The following CADPS2 variants were observed in gnomAD, a reference collection of about 807,000 sequenced individuals.
CADPS2 encodes calcium dependent secretion activator 2.
CADPS2 carries 93 observed loss-of-function variants against 172.5 expected under a neutral mutation model. The observed-to-expected ratio is 0.54, with a 90% CI of 0.46 to 0.64. The LOEUF (loss-of-function observed/expected upper bound fraction) is 0.64. Among genes scored for constraint, CADPS2 ranks in the 30% least tolerant of loss-of-function variants. The pLI is 0.00. For missense variants in CADPS2, 1,420 were observed against 1,565.9 expected (o/e 0.91, Z 1.57); for synonymous variants, 546 against 555.2 (o/e 0.98, Z 0.23).
chr7:122,713,865 G>T (rs190661720), intron 2 of CADPS2, among the ~76,000 whole-genome samples: 131 of 151,962 alleles, frequency 8.6e-4, no homozygotes, highest in Non-Finnish European at 5.0e-4. Context: ...AAAACAAAAA[G>T]GTCTTTTTTG....
rs760832075 is a variant in CADPS2 at position 122,414,091 on chromosome 7, G to A, written c.2581-15C>T. 5.2e-6 allele frequency: 8 copies of A among 1,527,838 alleles called. No individual in the cohort carries two copies. In the South Asian group the frequency reaches 8.7e-5, roughly 17 times the overall value. 94.6% of individuals were successfully genotyped at this position (1,527,838 alleles called of 1,614,324 possible). ...ACCTCTCTTCCCTGAGGGTTTCCAA[G>A]AATTTGGAAGCATTGCAGAGTAGAA... is the stretch of plus-strand genomic sequence containing the variant. On this transcript the variant is annotated splice_polypyrimidine_tract_variant and intron_variant, in intron 18 of 29. Transcript: ENST00000449022.
chr7:122,803,053 G>A (rs1268754439), intron 1 of CADPS2, among the ~76,000 whole-genome samples: 1 of 152,026 alleles, frequency 6.6e-6, no homozygotes, highest in Non-Finnish European at 1.5e-5. Context: ...CTCAATATAG[G>A]TTTGTTATTG....
chr7:122,797,943 G>T (rs1796756020), intron 1 of CADPS2, among the ~76,000 whole-genome samples: 1 of 151,156 alleles, frequency 6.6e-6, no homozygotes, highest in African/African-American at 2.4e-5. Context: ...ATAGAGATTT[G>T]CATTATTTTG....
At chr7:122,828,036 G>A (rs1368096493) in intron 1 of CADPS2, among the ~76,000 whole-genome samples, 5 of 152,070 alleles carry the variant, frequency 3.3e-5, no homozygotes, top group Non-Finnish European at 1.5e-5. Flanking sequence ...AACTGTGGAT[G>A]TCTGATTTTC....
chr7:122,404,943 G>A (rs566862125), intron 20 of CADPS2, among the ~76,000 whole-genome samples: 39 of 152,022 alleles, frequency 2.6e-4, no homozygotes, highest in African/African-American at 8.4e-4. Context: ...TGGCTAGCAC[G>A]GTGAAACCCA....
intron 4 of CADPS2, among the ~76,000 whole-genome samples, chr7:122,625,455 T>C (rs928147887): frequency 6.6e-6 from 1 of 152,202 alleles, no homozygotes. Flanking sequence ...TGAATAACAT[T>C]TACAATCAGT....
chr7:122,383,236 A>C (rs969589104), intron 24 of CADPS2, among the ~76,000 whole-genome samples: 2 of 152,048 alleles, frequency 1.3e-5, no homozygotes, highest in African/African-American at 2.4e-5. Context: ...CAGGAACAGA[A>C]AATCAGATAC....
intron 15 of CADPS2, among the ~76,000 whole-genome samples, chr7:122,444,318 A>C (rs2051816369): frequency 6.6e-6 from 1 of 152,158 alleles, no homozygotes; most frequent in African/African-American, 2.4e-5. Flanking sequence ...TCTCTTGGGA[A>C]AATACCTAGG....
At chr7:122,363,098 GTTAGGATTTC>G (rs970968541) in intron 25 of CADPS2, among the ~76,000 whole-genome samples, 1 of 152,182 alleles carries the variant, frequency 6.6e-6, no homozygotes, top group Non-Finnish European at 1.5e-5. Flanking sequence ...CTTCCTGCCT[GTTAGGATTTC>G]TTACCAATCA....
At chr7:122,536,069 G>A (rs1039906114) in intron 8 of CADPS2, among the ~76,000 whole-genome samples, 6 of 151,960 alleles carry the variant, frequency 3.9e-5, no homozygotes, top group African/African-American at 1.5e-4. Flanking sequence ...TTGTAATTGG[G>A]TTTCTCCAAA....
chr7:122,382,589 T>A (rs545668025), intron 24 of CADPS2, among the ~76,000 whole-genome samples: 3 of 152,202 alleles, frequency 2.0e-5, no homozygotes, highest in Admixed American at 2.0e-4. Flanking sequence ...ATTGATAGGT[T>A]TTTTTTCCCA....
At chr7:122,616,384 CAAAAGGG>C (rs1433813040) in intron 5 of CADPS2, among the ~76,000 whole-genome samples, 1 of 151,834 alleles carries the variant, frequency 6.6e-6, no homozygotes, top group Non-Finnish European at 1.5e-5. Context: ...AATTTTGATC[CAAAAGGG>C]CTCAAAAAAC....
At chr7:122,642,643 T>A (rs1157965254) in intron 3 of CADPS2, among the ~76,000 whole-genome samples, 2 of 151,898 alleles carry the variant, frequency 1.3e-5, no homozygotes, top group East Asian at 1.9e-4. Context: ...TTTACTTATA[T>A]CTTAAAGAAA....
intron 3 of CADPS2, among the ~76,000 whole-genome samples, chr7:122,652,123 T>C (rs2079214152): frequency 6.6e-6 from 1 of 152,172 alleles, no homozygotes. Context: ...GAACCAGAGA[T>C]TAACCACACC....
At chr7:122,551,744 AATT>A (rs2064330964) in intron 8 of CADPS2, among the ~76,000 whole-genome samples, 1 of 152,130 alleles carries the variant, frequency 6.6e-6, no homozygotes, top group African/African-American at 2.4e-5. Flanking sequence ...TGTCTCTCAA[AATT>A]ATTATCCATC....
At chr7:122,836,798 G>A (rs181425791) in intron 1 of CADPS2, among the ~76,000 whole-genome samples, 2 of 152,138 alleles carry the variant, frequency 1.3e-5, no homozygotes, top group African/African-American at 4.8e-5. Context: ...GAGATCTACA[G>A]AGAGACTTAG....
At chr7:122,744,943 A>T (rs2138133074) in intron 1 of CADPS2, among the ~76,000 whole-genome samples, 1 of 150,808 alleles carries the variant, frequency 6.6e-6, no homozygotes, top group East Asian at 1.9e-4. Context: ...TGTTCTACTG[A>T]CTACATTCCA....
At chr7:122,611,187 T>C (rs2074246229) in intron 6 of CADPS2, among the ~76,000 whole-genome samples, 1 of 151,642 alleles carries the variant, frequency 6.6e-6, no homozygotes, top group Non-Finnish European at 1.5e-5. Flanking sequence ...AAACCTAAAA[T>C]AGAAGGAAGT....
At chr7:122,694,671 T>C (rs1358650561) in intron 2 of CADPS2, among the ~76,000 whole-genome samples, 3 of 152,212 alleles carry the variant, frequency 2.0e-5, no homozygotes, top group Non-Finnish European at 4.4e-5. Flanking sequence ...CCCCCACTTA[T>C]AAAACCAAGT....
Sources: gnomAD v4.1 joint callset for allele counts (sites outside exome capture counted in the v4.1 genomes callset) on GRCh38, gnomAD v4.1.1 for gene constraint, MANE v1.5 for transcripts, NCBI Gene and HGNC (gene_info 2026-07-23, HGNC 2026-07-21) for gene names.